The following FRMD6 variants were observed in gnomAD, a reference collection of about 807,000 sequenced individuals.
FRMD6 encodes FERM domain-containing protein 6.
A neutral mutation model predicts 73.2 loss-of-function variants in FRMD6; 37 were observed. The ratio of observed to expected loss-of-function variants is 0.51; its 90% CI spans 0.39 to 0.66. The LOEUF (loss-of-function observed/expected upper bound fraction) is 0.66. Among genes scored for constraint, FRMD6 ranks in the 30% least tolerant of loss-of-function variants. The probability of loss-of-function intolerance (pLI) is 0.00; values close to 1 mark genes in which losing one functional copy is unlikely to be tolerated. For synonymous variants in FRMD6, 273 were observed against 282.2 expected, an observed-to-expected ratio of 0.97 and a Z score of 0.33; for missense variants, 714 against 780.5, an observed-to-expected ratio of 0.91 and a Z score of 1.02.
At chr14:51,514,200 T>C (rs570612309) in intron 1 of FRMD6, among the ~76,000 whole-genome samples, 1 of 152,332 alleles carries the variant, frequency 6.6e-6, no homozygotes, top group South Asian at 2.1e-4. Context: ...AGGAGGTCGC[T>C]GGGTAGAGAG....
chr14:51,646,592 G>A (rs2140058001), intron 2 of FRMD6, among the ~76,000 whole-genome samples: 1 of 151,558 alleles, frequency 6.6e-6, no homozygotes, highest in South Asian at 2.1e-4. Flanking sequence ...AGTGATCAAA[G>A]AATCAGAGCT....
intron 1 of FRMD6, among the ~76,000 whole-genome samples, chr14:51,559,825 G>T (rs951116761): frequency 1.3e-5 from 2 of 152,138 alleles, no homozygotes; most frequent in Admixed American, 6.5e-5. Context: ...TGATAGATGG[G>T]TTATACAAAG....
chr14:51,710,649 C>T (rs769111418), intron 7 of FRMD6, among the ~76,000 whole-genome samples: 5 of 152,176 alleles, frequency 3.3e-5, no homozygotes, highest in Non-Finnish European at 7.4e-5. Context: ...AAAAATATTT[C>T]ATCCCATGTT....
intron 1 of FRMD6, among the ~76,000 whole-genome samples, chr14:51,655,301 GA>G (rs1321615108): frequency 6.6e-6 from 1 of 152,180 alleles, no homozygotes; most frequent in Non-Finnish European, 1.5e-5. Flanking sequence ...GTCTTTGTAT[GA>G]TTATATCATT....
At chr14:51,550,613 C>T (rs1009378799) in intron 1 of FRMD6, among the ~76,000 whole-genome samples, 2 of 148,448 alleles carry the variant, frequency 1.3e-5, no homozygotes, top group African/African-American at 4.9e-5. Context: ...TGAATGGATT[C>T]CTGAGATGAT....
At chr14:51,569,507 C>CTTTTTTTTTTTTTT (rs34661155) in intron 1 of FRMD6, among the ~76,000 whole-genome samples, 34 of 122,794 alleles carry the variant, frequency 2.8e-4, no homozygotes, top group Non-Finnish European at 3.7e-4. Context: ...TTCTTTCTTT[C>CTTTTTTTTTTTTTT]TTTTTTTTTT....
chr14:51,644,393 T>A (rs1049763992), intron 2 of FRMD6, among the ~76,000 whole-genome samples: 17 of 87,890 alleles, frequency 1.9e-4, no homozygotes, highest in South Asian at 1.6e-3. Flanking sequence ...ACACACTCAC[T>A]CACTCTCTCT....
intron 1 of FRMD6, among the ~76,000 whole-genome samples, chr14:51,525,989 C>G (rs73285053): frequency 6.6e-6 from 1 of 152,024 alleles, no homozygotes. Context: ...AGGAGGCATC[C>G]GGAAGGAGGC....
At chr14:51,710,797 T>G (rs1896900691) in intron 7 of FRMD6, among the ~76,000 whole-genome samples, 2 of 152,198 alleles carry the variant, frequency 1.3e-5, no homozygotes. Context: ...TTATTACAGA[T>G]GAGCACTTAA....
chr14:51,483,237 T>G, the FRMD6 span, among the ~76,000 whole-genome samples: 2 of 152,192 alleles, frequency 1.3e-5, no homozygotes, highest in Non-Finnish European at 2.9e-5. Context: ...ATGGGCACCT[T>G]TCTGAAAAGC....
chr14:51,418,510 G>C, the FRMD6 span, among the ~76,000 whole-genome samples: 1 of 152,204 alleles, frequency 6.6e-6, no homozygotes, highest in Non-Finnish European at 1.5e-5. Context: ...AAATATTGCA[G>C]AACAGCAAGT....
chr14:51,541,819 T>C (rs1886212991), intron 1 of FRMD6, among the ~76,000 whole-genome samples: 1 of 152,078 alleles, frequency 6.6e-6, no homozygotes, highest in Non-Finnish European at 1.5e-5. Context: ...GGTGTTTTTA[T>C]GTAACTAGGC....
intron 1 of FRMD6, among the ~76,000 whole-genome samples, chr14:51,505,825 C>T (rs1161009725): frequency 1.3e-4 from 20 of 152,144 alleles, no homozygotes; most frequent in Admixed American, 9.8e-4. Flanking sequence ...GCTCTAACCC[C>T]GCACTGCCCA....
chr14:51,459,603 G>A, the FRMD6 span, among the ~76,000 whole-genome samples: 38 of 152,012 alleles, frequency 2.5e-4, 1 homozygote, highest in Middle Eastern at 6.8e-3. Context: ...CGAGGTGGGC[G>A]GATCACGAGG....
At chr14:51,566,838 A>G (rs928839753) in intron 1 of FRMD6, among the ~76,000 whole-genome samples, 3 of 152,220 alleles carry the variant, frequency 2.0e-5, no homozygotes, top group African/African-American at 7.2e-5. Context: ...CCTTCTGTGT[A>G]TAAGTTGTTT....
intron 2 of FRMD6, among the ~76,000 whole-genome samples, chr14:51,691,012 AC>A (rs753885551): frequency 6.6e-6 from 1 of 152,116 alleles, no homozygotes; most frequent in Non-Finnish European, 1.5e-5. Context: ...GTCCTTTGTG[AC>A]CCCTCCTAGT....
the FRMD6 span, among the ~76,000 whole-genome samples, chr14:51,405,128 A>G: frequency 2.0e-5 from 3 of 152,114 alleles, no homozygotes; most frequent in African/African-American, 7.2e-5. Flanking sequence ...ATGGTGGTAT[A>G]GTATTCCATG....
At chr14:51,696,877 C>G (rs999186069) in intron 2 of FRMD6, among the ~76,000 whole-genome samples, 1 of 152,022 alleles carries the variant, frequency 6.6e-6, no homozygotes, top group Non-Finnish European at 1.5e-5. Context: ...GATACTTGTC[C>G]TGAGTAGACG....
chr14:51,605,955 G>A (rs1294228385), intron 2 of FRMD6, among the ~76,000 whole-genome samples: 1 of 152,196 alleles, frequency 6.6e-6, no homozygotes, highest in Non-Finnish European at 1.5e-5. Flanking sequence ...CCATGCTGTT[G>A]TCTTCAGAGG....
Sources: allele counts gnomAD v4.1 joint callset (sites outside exome capture counted in the v4.1 genomes callset), GRCh38; gene constraint gnomAD v4.1.1; transcripts MANE v1.5; gene names NCBI Gene and HGNC (gene_info 2026-07-23, HGNC 2026-07-21).